The following MMP26 variants were observed in gnomAD, a reference collection of about 807,000 sequenced individuals.
The protein encoded by MMP26 is matrix metalloproteinase-26.
A neutral mutation model predicts 31.0 loss-of-function variants in MMP26; 33 were observed. The observed-to-expected ratio is 1.06, with a 90% CI of 0.81 to 1.42. The LOEUF (loss-of-function observed/expected upper bound fraction) is 1.42. MMP26 is among the 40% of genes most tolerant of loss of function. MMP26 has a pLI of 0.00. For synonymous variants in MMP26, 122 were observed against 114.9 expected, an observed-to-expected ratio of 1.06 and a Z score of -0.40; for missense variants, 347 against 316.1, an observed-to-expected ratio of 1.10 and a Z score of -0.74.
chr11:4,935,765 T>C (rs1268539198), intron 2 of MMP26, among the ~76,000 whole-genome samples: 1 of 150,922 alleles, frequency 6.6e-6, no homozygotes, highest in African/African-American at 2.4e-5. Flanking sequence ...ATACCTAATT[T>C]ATTGAGAGTT....
intron 2 of MMP26, chr11:4,848,744 G>A: frequency 1.2e-6 from 2 of 1,614,032 alleles, no homozygotes; most frequent in Non-Finnish European, 1.7e-6. Context: ...GAAAAGAAAT[G>A]GCCAGGCTGA....
chr11:4,715,650 G>T (rs1404411313), intron 1 of MMP26, among the ~76,000 whole-genome samples: 1 of 152,150 alleles, frequency 6.6e-6, no homozygotes, highest in Non-Finnish European at 1.5e-5. Context: ...AAAACTGGAA[G>T]ATAAATATGG....
At chr11:4,946,774 G>A (rs1322017506) in intron 2 of MMP26, 1 of 1,587,662 alleles carries the variant, frequency 6.3e-7, no homozygotes, top group Non-Finnish European at 8.6e-7. Flanking sequence ...CCAGTACTGA[G>A]AATCCATGAA....
chr11:4,744,723 G>A (rs1404558955), intron 1 of MMP26, among the ~76,000 whole-genome samples: 3 of 152,008 alleles, frequency 2.0e-5, no homozygotes, highest in Non-Finnish European at 4.4e-5. Flanking sequence ...TTATTCTCCC[G>A]TGTGGTTTCT....
chr11:4,932,927 A>G (rs1449509488), intron 2 of MMP26, among the ~76,000 whole-genome samples: 1 of 152,158 alleles, frequency 6.6e-6, no homozygotes, highest in Non-Finnish European at 1.5e-5. Context: ...ATAAAAGTTC[A>G]TTGCCTTGTT....
intron 2 of MMP26, among the ~76,000 whole-genome samples, chr11:4,843,086 G>GC (rs1249212279): frequency 6.6e-6 from 1 of 152,194 alleles, no homozygotes; most frequent in Non-Finnish European, 1.5e-5. Context: ...CAGCACCTGT[G>GC]CCCCTGTGGC....
chr11:4,886,147 A>G (rs899124903), intron 2 of MMP26, among the ~76,000 whole-genome samples: 3 of 152,072 alleles, frequency 2.0e-5, no homozygotes, highest in Non-Finnish European at 4.4e-5. Context: ...TCTTATAAAT[A>G]TATATTTGAT....
rs1189878650 is a variant in MMP26, at chr11:4,705,463, T to C, written c.-217+418T>C. On this transcript the variant is annotated intron_variant, in intron 1 of 7. Coordinates refer to ENST00000380390, the MANE Select transcript of MMP26 (RefSeq NM_021801.5). ...AAGGGGAGTTATTAATACCCAATAA[T>C]GGTGTTGTGATAGTAATGAATGTGA... Among the ~76,000 whole-genome samples the C allele has an allele frequency of 2.6e-5, 4 of 152,210 alleles. No individual in the cohort carries two copies. The East Asian group carries it at 7.8e-4, about 30-fold the overall frequency.
intron 2 of MMP26, among the ~76,000 whole-genome samples, chr11:4,983,151 C>G (rs1846838563): frequency 6.6e-6 from 1 of 152,170 alleles, no homozygotes; most frequent in South Asian, 2.1e-4. Flanking sequence ...AAAATAGTTT[C>G]AGGAGAGAAA....
At chr11:4,957,913 C>G (rs1246817541) in intron 2 of MMP26, among the ~76,000 whole-genome samples, 1 of 152,058 alleles carries the variant, frequency 6.6e-6, no homozygotes, top group Non-Finnish European at 1.5e-5. Context: ...CTCCTGACCT[C>G]AGGTGATCCG....
intron 2 of MMP26, among the ~76,000 whole-genome samples, chr11:4,849,877 A>T (rs767943973): frequency 6.6e-6 from 1 of 152,170 alleles, no homozygotes; most frequent in Non-Finnish European, 1.5e-5. Context: ...ATAATTGCAC[A>T]TATTTAAAGG....
In MMP26 at chr11:4,935,204, A is replaced by G. The variant is rs569501975; in HGVS notation, c.-144-52864A>G. Reference sequence around the variant, plus strand: ...TTCACGATATTGATTCTTCCTACCCATGAGCATGGAATGTTCTTCCATTTG... The same window carrying G: ...TTCACGATATTGATTCTTCCTACCCGTGAGCATGGAATGTTCTTCCATTTG... On this transcript the variant is annotated intron_variant, in intron 2 of 7. Coordinates refer to ENST00000380390, the MANE Select transcript of MMP26 (RefSeq NM_021801.5). Among the ~76,000 whole-genome samples the G allele has an allele frequency of 3.3e-3, 494 of 151,814 alleles. 9 individuals carry two copies. Among genetic ancestry groups the G allele is most frequent in the Middle Eastern group, 6.8e-3 (2 of 292 alleles).
intron 2 of MMP26, among the ~76,000 whole-genome samples, chr11:4,774,103 T>C (rs1848761225): frequency 6.6e-6 from 1 of 152,226 alleles, no homozygotes; most frequent in Non-Finnish European, 1.5e-5. Flanking sequence ...TGAACATACA[T>C]GTACATGTTT....
At chr11:4,872,176 C>T (rs1281355680) in intron 2 of MMP26, among the ~76,000 whole-genome samples, 7 of 151,984 alleles carry the variant, frequency 4.6e-5, no homozygotes, top group Non-Finnish European at 7.4e-5. Context: ...AACAAGCACT[C>T]AATAAATATT....
intron 2 of MMP26, among the ~76,000 whole-genome samples, chr11:4,852,120 C>A (rs376010300): frequency 6.6e-6 from 1 of 151,812 alleles, no homozygotes; most frequent in Non-Finnish European, 1.5e-5. Flanking sequence ...CACAAAAATA[C>A]GTGAGAGATG....
intron 2 of MMP26, among the ~76,000 whole-genome samples, chr11:4,871,535 G>A (rs1040102863): frequency 6.6e-6 from 1 of 152,062 alleles, no homozygotes; most frequent in Non-Finnish European, 1.5e-5. Flanking sequence ...GGTCCTCTGG[G>A]AATAAGACAA....
At chr11:4,863,498 C>T (rs546952735) in intron 2 of MMP26, 11 of 152,208 alleles carry the variant, frequency 7.2e-5, no homozygotes, top group Admixed American at 7.2e-4. Flanking sequence ...CTCATCTGTC[C>T]TTATAACATT....
chr11:4,779,215 C>A (rs1412200218), intron 2 of MMP26, among the ~76,000 whole-genome samples: 1 of 151,984 alleles, frequency 6.6e-6, no homozygotes, highest in African/African-American at 2.4e-5. Flanking sequence ...AACATTTCAA[C>A]ATTAAGTATG....
At chr11:4,939,630 A>G (rs1051247244) in intron 2 of MMP26, among the ~76,000 whole-genome samples, 1 of 152,106 alleles carries the variant, frequency 6.6e-6, no homozygotes, top group Non-Finnish European at 1.5e-5. Flanking sequence ...AAGAATATGG[A>G]CAGTATGGGA....
Sources: gnomAD v4.1 joint callset for allele counts (sites outside exome capture counted in the v4.1 genomes callset) on GRCh38, gnomAD v4.1.1 for gene constraint, MANE v1.5 for transcripts, NCBI Gene and HGNC (gene_info 2026-07-23, HGNC 2026-07-21) for gene names.